ATP7A: variants seen among roughly 807,000 people sequenced by gnomAD.
ATP7A encodes copper-transporting ATPase 1.
A neutral mutation model predicts 83.5 loss-of-function variants in ATP7A; 7 were observed. That is an observed-to-expected ratio of 0.08 (90% CI 0.05 to 0.16). The LOEUF is 0.16. ATP7A is among the 10% of genes least tolerant of loss of function. The pLI, the probability that ATP7A is intolerant of heterozygous loss-of-function variation, is 1.00. For missense variants in ATP7A, 940 were observed against 1,120.8 expected, an observed-to-expected ratio of 0.84 and a Z score of 2.30; for synonymous variants, 354 against 395.2, an observed-to-expected ratio of 0.90 and a Z score of 1.24.
chrX:77,995,361 T>A (rs1246076158), intron 4 of ATP7A, among the ~76,000 whole-genome samples: 1 of 110,002 alleles, frequency 9.1e-6, no homozygotes, highest in Non-Finnish European at 1.9e-5. Context: ...GGTCAGGAGT[T>A]CGAGACCAGC....
intron 1 of ATP7A, among the ~76,000 whole-genome samples, chrX:77,942,990 A>AT (rs1219794689): frequency 4.6e-5 from 5 of 108,429 alleles, no homozygotes; most frequent in Admixed American, 9.9e-5. Context: ...AACTTTTTGT[A>AT]TTTTTTTAGT....
chrX:78,029,751 T>C (rs1337894544), intron 15 of ATP7A, among the ~76,000 whole-genome samples: 1 of 112,050 alleles, frequency 8.9e-6, no homozygotes, highest in Non-Finnish European at 1.9e-5. Flanking sequence ...AATAGGTGTT[T>C]GCCCAGGAAA....
chrX:77,927,523 C>T (rs2077248235), intron 1 of ATP7A, among the ~76,000 whole-genome samples: 1 of 111,769 alleles, frequency 8.9e-6, no homozygotes, highest in African/African-American at 3.3e-5. Context: ...GTTTTTCAAT[C>T]ACATAAACAA....
At chrX:78,040,548 A>G (rs2078040742) in intron 18 of ATP7A, 43 bp from the exon 19 acceptor site, 2 of 1,186,997 alleles carry the variant, frequency 1.7e-6, no homozygotes, top group African/African-American at 1.8e-5. Context: ...TTCTCCTTTC[A>G]CTATATTCCA....
At chrX:78,001,920 A>G (rs1206410048) in intron 5 of ATP7A, among the ~76,000 whole-genome samples, 9 of 111,579 alleles carry the variant, frequency 8.1e-5, no homozygotes, top group Non-Finnish European at 1.3e-4. Flanking sequence ...TTTTTCTAGG[A>G]ATAAGAGCTT....
chrX:78,044,255 CAAAAAAAA>C (rs782578875), intron 21 of ATP7A, among the ~76,000 whole-genome samples: 2 of 61,767 alleles, frequency 3.2e-5, no homozygotes, highest in Non-Finnish European at 5.6e-5. Flanking sequence ...ACTCCGTCTC[CAAAAAAAA>C]AAAAAAAAAA....
At chrX:77,984,712 C>T (rs1557231207) in intron 2 of ATP7A, among the ~76,000 whole-genome samples, 1 of 111,464 alleles carries the variant, frequency 9.0e-6, no homozygotes, top group Non-Finnish European at 1.9e-5. Flanking sequence ...GCACCCAGAG[C>T]TGTACTGTGA....
intron 1 of ATP7A, chrX:77,966,993 A>G: frequency 3.9e-6 from 1 of 253,724 alleles, no homozygotes; most frequent in Non-Finnish European, 7.6e-6. Context: ...ATGAACAAGA[A>G]CATGCAGCAT....
rs148752974 is a variant in ATP7A, at chrX:77,970,066, T to G, written c.-21-1555T>G. ...TTGTAGTCAATATGGTGTCTGGGGATGTAGTAGTTTAAAGGCTTAACTTAG... is the reference window on the plus strand; with the variant it reads ...TTGTAGTCAATATGGTGTCTGGGGAGGTAGTAGTTTAAAGGCTTAACTTAG... On this transcript the variant is annotated intron_variant, in intron 1 of 22. Coordinates refer to ENST00000341514, the MANE Select transcript of ATP7A (RefSeq NM_000052.7). Among the ~76,000 whole-genome samples, 427 of 111,412 alleles carry G rather than the reference T, an allele frequency of 3.8e-3. 3 individuals are homozygous for G. The highest frequency in any genetic ancestry group is 0.014 in the African/African-American group (417 of 30,640).
At chrX:78,030,694 C>CTTTTTTTTT in intron 15 of ATP7A, among the ~76,000 whole-genome samples, 1 of 95,766 alleles carries the variant, frequency 1.0e-5, no homozygotes, top group Non-Finnish European at 2.1e-5. Flanking sequence ...TTCTTTCTTT[C>CTTTTTTTTT]TTTTTTTTTT....
intron 15 of ATP7A, among the ~76,000 whole-genome samples, chrX:78,030,208 G>A (rs1236660081): frequency 1.8e-5 from 2 of 111,913 alleles, no homozygotes; most frequent in Non-Finnish European, 1.9e-5. Context: ...GGCGGACCAC[G>A]AGGTCAGGAG....
chrX:78,005,713 AAAAG>A (rs2077770799), intron 6 of ATP7A, among the ~76,000 whole-genome samples: 3 of 107,954 alleles, frequency 2.8e-5, no homozygotes, highest in Middle Eastern at 4.7e-3. Flanking sequence ...AAAAGAAAAA[AAAAG>A]AAGAAAAAAA....
intron 12 of ATP7A, among the ~76,000 whole-genome samples, chrX:78,019,092 C>T (rs1557235465): frequency 8.9e-6 from 1 of 112,146 alleles, no homozygotes; most frequent in African/African-American, 3.2e-5. Flanking sequence ...ACCGTATCAA[C>T]TATTGAAGAC....
chrX:78,022,586 C>T (rs1235999981), intron 14 of ATP7A, among the ~76,000 whole-genome samples: 1 of 109,783 alleles, frequency 9.1e-6, no homozygotes, highest in Non-Finnish European at 1.9e-5. Flanking sequence ...GGCACGATCT[C>T]GGCTCACTGC....
intron 4 of ATP7A, among the ~76,000 whole-genome samples, chrX:77,996,188 T>A (rs1603382628): frequency 9.0e-6 from 1 of 111,102 alleles, no homozygotes; most frequent in Admixed American, 9.6e-5. Context: ...AGATATACAT[T>A]TATATATATA....
intron 17 of ATP7A, among the ~76,000 whole-genome samples, chrX:78,038,391 A>G: frequency 9.0e-6 from 1 of 111,015 alleles, no homozygotes; most frequent in Non-Finnish European, 1.9e-5. Context: ...GGACTAGGGA[A>G]ATATAGTTAA....
At chrX:77,937,766 A>G (rs2077327972) in intron 1 of ATP7A, among the ~76,000 whole-genome samples, 1 of 110,851 alleles carries the variant, frequency 9.0e-6, no homozygotes, top group Admixed American at 9.8e-5. Flanking sequence ...AAGCAAAACT[A>G]TAGGGAGGAA....
intron 9 of ATP7A, among the ~76,000 whole-genome samples, chrX:78,012,306 A>C (rs2077832540): frequency 8.9e-6 from 1 of 112,180 alleles, no homozygotes; most frequent in African/African-American, 3.2e-5. Flanking sequence ...TAATGAAATA[A>C]GCTTTCCAGT....
intron 5 of ATP7A, among the ~76,000 whole-genome samples, chrX:78,000,236 T>C (rs1557233006): frequency 9.0e-6 from 1 of 111,492 alleles, no homozygotes; most frequent in Non-Finnish European, 1.9e-5. Flanking sequence ...CTAACTGGAA[T>C]GCACTCAAGG....
Sources: gnomAD v4.1 joint callset for allele counts (sites outside exome capture counted in the v4.1 genomes callset) on GRCh38, gnomAD v4.1.1 for gene constraint, MANE v1.5 for transcripts, NCBI Gene and HGNC (gene_info 2026-07-23, HGNC 2026-07-21) for gene names.